Variants in ZFHX3 observed in about 807,000 individuals in gnomAD.
ZFHX3 encodes zinc finger homeobox 3, also known as zinc finger homeobox protein 3.
A neutral mutation model predicts 279.1 loss-of-function variants in ZFHX3; 42 were observed. That is an observed-to-expected ratio of 0.15 (90% CI 0.12 to 0.19). The LOEUF is 0.19. ZFHX3 is among the 10% of genes least tolerant of loss of function. ZFHX3 has a pLI of 1.00. For synonymous variants in ZFHX3, 2,293 were observed against 1,957.8 expected, an observed-to-expected ratio of 1.17 and a Z score of -4.52; for missense variants, 4,981 against 4,754.0, an observed-to-expected ratio of 1.05 and a Z score of -1.40.
At chr16:73,671,296 C>T (rs531582523) in intron 2 of ZFHX3, among the ~76,000 whole-genome samples, 6 of 152,186 alleles carry the variant, frequency 3.9e-5, no homozygotes, top group Non-Finnish European at 8.8e-5. Flanking sequence ...CAGGGACCAG[C>T]GAAAGAACAG....
chr16:73,272,528 T>A (rs989935951), intron 4 of ZFHX3, among the ~76,000 whole-genome samples: 2 of 152,224 alleles, frequency 1.3e-5, no homozygotes, highest in African/African-American at 2.4e-5. Flanking sequence ...CAATATTTAC[T>A]GAGCACCTAA....
intron 3 of ZFHX3, among the ~76,000 whole-genome samples, chr16:73,351,329 G>C (rs2016237495): frequency 6.6e-6 from 1 of 152,182 alleles, no homozygotes; most frequent in African/African-American, 2.4e-5. Flanking sequence ...TGGCTGAGTG[G>C]CTTTCCGAAC....
At chr16:73,328,142 T>C (rs1463432519) in intron 3 of ZFHX3, among the ~76,000 whole-genome samples, 1 of 152,172 alleles carries the variant, frequency 6.6e-6, no homozygotes, top group Non-Finnish European at 1.5e-5. Flanking sequence ...CTTAAATTGT[T>C]TTAAAAAGAA....
intron 3 of ZFHX3, among the ~76,000 whole-genome samples, chr16:72,941,534 C>A (rs1053489072): frequency 6.6e-6 from 1 of 152,128 alleles, no homozygotes; most frequent in South Asian, 2.1e-4. Context: ...TTATGAGATA[C>A]ACTTACACAA....
At chr16:73,728,015 G>GCCCCCCCTCCCC (rs2053534690) in intron 1 of ZFHX3, among the ~76,000 whole-genome samples, 1 of 75,426 alleles carries the variant, frequency 1.3e-5, no homozygotes, top group Non-Finnish European at 2.6e-5. Flanking sequence ...GCCGAATTGT[G>GCCCCCCCTCCCC]CCCCCCCCCC....
At chr16:73,744,861 A>AC (rs1180754572) in intron 1 of ZFHX3, among the ~76,000 whole-genome samples, 2 of 152,156 alleles carry the variant, frequency 1.3e-5, no homozygotes, top group Admixed American at 1.3e-4. Context: ...TGCAGCAGGA[A>AC]CCCAATTTTT....
rs576577668 is a variant in ZFHX3 at position 72,837,501 on chromosome 16, C to T, written c.3449-7642G>A. 1.5e-4 allele frequency among the ~76,000 whole-genome samples: 20 copies of T among 129,438 alleles called. 1 individual carries two copies. The East Asian group carries it at 3.6e-3, about 23-fold the overall frequency. The allele number at this position is 129,438 out of a possible 152,430, so 84.9% of individuals were successfully genotyped here. Reference sequence around the variant, plus strand: ...TTTTTTTTTTTTTTTTTTTTTGAGACGGGGTCTTTCTTCGTCACCCAGGCT... The same window carrying T: ...TTTTTTTTTTTTTTTTTTTTTGAGATGGGGTCTTTCTTCGTCACCCAGGCT... On this transcript the variant is annotated intron_variant, in intron 4 of 9. Transcript: ENST00000268489.
At chr16:72,976,999 G>A (rs1392592036) in intron 1 of ZFHX3, among the ~76,000 whole-genome samples, 1 of 152,170 alleles carries the variant, frequency 6.6e-6, no homozygotes, top group Non-Finnish European at 1.5e-5. Context: ...AGCCCAACAT[G>A]TTTTTCTCTG....
At chr16:72,939,739 T>G (rs1219285242) in intron 3 of ZFHX3, among the ~76,000 whole-genome samples, 1 of 152,012 alleles carries the variant, frequency 6.6e-6, no homozygotes, top group Non-Finnish European at 1.5e-5. Context: ...AACACAAAAA[T>G]TAGCCGGGTA....
chr16:73,009,754 C>T lies in ZFHX3; in HGVS notation c.-50+37998G>A, dbSNP rs571846528. 4.6e-5 allele frequency among the ~76,000 whole-genome samples: 7 copies of T among 152,252 alleles called. No homozygotes were observed. In the South Asian group the frequency reaches 6.2e-4, roughly 14 times the overall value. ...CTCACAAAGGGGCCAGTCATGGTGGCTCACACCTGTAATTCCAGCACTTTC... is the reference window on the plus strand; with the variant it reads ...CTCACAAAGGGGCCAGTCATGGTGGTTCACACCTGTAATTCCAGCACTTTC... On this transcript the variant is annotated intron_variant, in intron 1 of 9. Coordinates refer to ENST00000268489, the MANE Select transcript of ZFHX3 (RefSeq NM_006885.4).
intron 7 of ZFHX3, among the ~76,000 whole-genome samples, chr16:73,119,743 A>C (rs1966474681): frequency 6.6e-6 from 1 of 152,126 alleles, no homozygotes. Flanking sequence ...GGAATGCAGT[A>C]GTGTGATCAT....
chr16:73,019,228 G>A (rs926699535), intron 1 of ZFHX3, among the ~76,000 whole-genome samples: 1 of 152,204 alleles, frequency 6.6e-6, no homozygotes, highest in African/African-American at 2.4e-5. Flanking sequence ...AGCTGCCAGT[G>A]GACGTGAGCC....
At chr16:73,832,882 T>G (rs1448390852) in intron 1 of ZFHX3, among the ~76,000 whole-genome samples, 4 of 152,218 alleles carry the variant, frequency 2.6e-5, no homozygotes, top group Admixed American at 6.5e-5. Context: ...CAGTGGCTGA[T>G]AAGTGTCAGA....
At chr16:73,619,010 C>T (rs571916234) in intron 2 of ZFHX3, among the ~76,000 whole-genome samples, 4 of 152,222 alleles carry the variant, frequency 2.6e-5, no homozygotes, top group African/African-American at 9.6e-5. Flanking sequence ...TATTTTAAAT[C>T]AGGAACATCC....
At chr16:73,819,905 G>A (rs527499503) in intron 1 of ZFHX3, among the ~76,000 whole-genome samples, 6 of 152,224 alleles carry the variant, frequency 3.9e-5, no homozygotes, top group African/African-American at 1.2e-4. Flanking sequence ...ACTGCATACC[G>A]GCTGTGGCAG....
rs2016188342 is a variant in ZFHX3 at position 73,349,623 on chromosome 16, T to TCCC, written c.-1290-31288_-1290-31287insGGG. Among the ~76,000 whole-genome samples the TCCC allele has an allele frequency of 1.5e-4, 8 of 54,778 alleles. No individual in the cohort carries two copies. The South Asian group carries it at 4.7e-3, about 32-fold the overall frequency. The allele number at this position is 54,778 out of a possible 152,430, so 35.9% of individuals were successfully genotyped here. On this transcript the variant is annotated intron_variant, in intron 3 of 17. Coordinates refer to the ZFHX3 transcript ENST00000641206. ...CTCTCTCCCTTACTTCCTCCCTCCC[T>TCCC]TCCTCCCTCCCTCCCTCCCTCCCTC...
intron 2 of ZFHX3, among the ~76,000 whole-genome samples, chr16:73,578,079 C>T (rs575531024): frequency 2.6e-5 from 4 of 152,176 alleles, no homozygotes; most frequent in Admixed American, 6.5e-5. Flanking sequence ...CTGCTCAAAC[C>T]CAGCATTTCG....
At chr16:73,134,331 CTTTTTTTTT>C (rs58052486) in intron 6 of ZFHX3, among the ~76,000 whole-genome samples, 6 of 50,316 alleles carry the variant, frequency 1.2e-4, no homozygotes, top group Admixed American at 9.3e-4. Flanking sequence ...CTCCCCACCT[CTTTTTTTTT>C]TTTTTTTTTT....
chr16:73,138,880 A>G (rs553614773), intron 6 of ZFHX3, among the ~76,000 whole-genome samples: 5 of 152,268 alleles, frequency 3.3e-5, no homozygotes, highest in African/African-American at 1.2e-4. Context: ...TAGTAGAGAC[A>G]GAGTCTCACT....
Sources: gnomAD v4.1 joint callset for allele counts (sites outside exome capture counted in the v4.1 genomes callset) on GRCh38, gnomAD v4.1.1 for gene constraint, MANE v1.5 for transcripts, NCBI Gene and HGNC (gene_info 2026-07-23, HGNC 2026-07-21) for gene names.